The following PHIP variants were observed in gnomAD, a reference collection of about 807,000 sequenced individuals.
The protein encoded by PHIP is PH-interacting protein.
In PHIP, 54 loss-of-function variants were observed where a neutral mutation model predicts 236.8. The observed-to-expected ratio is 0.23, with a 90% CI of 0.18 to 0.29. PHIP has a LOEUF of 0.29. Ranked by LOEUF, PHIP falls within the 10% of genes least tolerant of loss-of-function variation. The probability of loss-of-function intolerance (pLI) is 1.00; values close to 1 mark genes in which losing one functional copy is unlikely to be tolerated. For missense variants in PHIP, 1,370 were observed against 2,190.8 expected, an observed-to-expected ratio of 0.63 and a Z score of 7.48; for synonymous variants, 756 against 718.9, an observed-to-expected ratio of 1.05 and a Z score of -0.83.
intron 7 of PHIP, among the ~76,000 whole-genome samples, chr6:79,027,675 A>G (rs1771475381): frequency 6.6e-6 from 1 of 152,216 alleles, no homozygotes; most frequent in Non-Finnish European, 1.5e-5. Flanking sequence ...TATATGTCCT[A>G]AGTGTTTAAC....
Position 79,060,764 on chromosome 6 carries a change from G to A in PHIP, c.244C>T (p.Leu82=), listed in dbSNP as rs770269774. Residue 82 remains leucine, a synonymous_variant, in exon 5 of 40, where the codon CTA becomes TTA. Transcript: ENST00000275034. ...PDHLLQICHR[L]GPLLEQEIPQ... The stretch of plus-strand genomic sequence containing the variant: ...ATTTCTTGTTCAAGAAGAGGTCCTA[G>A]TCGATGACATATTTGCAGCAAGTGA... 13 of 1,612,706 alleles carry A rather than the reference G, an allele frequency of 8.1e-6. No homozygotes were observed. In the South Asian group the frequency reaches 1.3e-4, roughly 16 times the overall value.
chr6:78,948,791 GC>G (rs1305341025), intron 35 of PHIP, among the ~76,000 whole-genome samples: 1 of 152,166 alleles, frequency 6.6e-6, no homozygotes, highest in Non-Finnish European at 1.5e-5. Flanking sequence ...ACCACACCTG[GC>G]CTGCAGCTTT....
chr6:78,966,291 A>G (rs1182538558), intron 27 of PHIP, among the ~76,000 whole-genome samples: 1 of 152,246 alleles, frequency 6.6e-6, no homozygotes, highest in Non-Finnish European at 1.5e-5. Context: ...TTTATATTTC[A>G]TTAAGGTATA....
chr6:79,062,121 A>T (rs1476621184), intron 4 of PHIP, among the ~76,000 whole-genome samples: 1 of 152,198 alleles, frequency 6.6e-6, no homozygotes, highest in East Asian at 1.9e-4. Context: ...TATTTTTGGA[A>T]AAAGGAGTTC....
intron 29 of PHIP, among the ~76,000 whole-genome samples, chr6:78,965,459 A>G (rs1183474059): frequency 2.6e-5 from 4 of 152,206 alleles, no homozygotes; most frequent in African/African-American, 9.7e-5. Context: ...GTAATTAATA[A>G]AACAATTTCA....
chr6:78,955,729 T>C lies in PHIP; in HGVS notation c.3783-47A>G, dbSNP rs776439012. 1.7e-5 allele frequency: 11 copies of C among 665,922 alleles called. No homozygotes were observed. The African/African-American group carries it at 1.9e-4, about 11-fold the overall frequency. 41.3% of individuals were successfully genotyped at this position (665,922 alleles called of 1,614,324 possible). ...ACATGTAAGATTAGAACCATGATAA[T>C]TTTTTTCCTTAAAAATTTGTTCGTA... On this transcript the variant is annotated intron_variant, in intron 32 of 39. Coordinates refer to ENST00000275034, the MANE Select transcript of PHIP (RefSeq NM_017934.7).
At chr6:79,024,579 C>T (rs148694658) in intron 9 of PHIP, among the ~76,000 whole-genome samples, 5,628 of 152,082 alleles carry the variant, frequency 0.037, 104 homozygotes, top group Middle Eastern at 0.058. Context: ...CCGAGGTGGG[C>T]GGATCACGAG....
intron 21 of PHIP, among the ~76,000 whole-genome samples, chr6:78,985,631 A>T (rs1768816936): frequency 6.6e-6 from 1 of 152,158 alleles, no homozygotes; most frequent in South Asian, 2.1e-4. Flanking sequence ...ACTTAAGGTT[A>T]GGGGTTCGAG....
chr6:79,050,624 C>G (rs1218571584), intron 6 of PHIP, among the ~76,000 whole-genome samples: 1 of 152,136 alleles, frequency 6.6e-6, no homozygotes, highest in Admixed American at 6.6e-5. Flanking sequence ...TACGTTCATT[C>G]TAATTTTTTA....
At chr6:78,967,676 T>A (rs772459330) in intron 27 of PHIP, among the ~76,000 whole-genome samples, 1 of 152,158 alleles carries the variant, frequency 6.6e-6, no homozygotes, top group Non-Finnish European at 1.5e-5. Flanking sequence ...AATTGTAAGA[T>A]CCAAATGAGA....
Position 78,937,320 on chromosome 6 carries a change from ATTAAT to A in PHIP, c.*3368_*3372del, listed in dbSNP as rs962878490. 4.6e-5 allele frequency: 7 copies of A among 151,888 alleles called. No individual in the cohort carries two copies. Among genetic ancestry groups the A allele is most frequent in the East Asian group, 1.9e-4 (1 of 5,192 alleles). The allele number at this position is 151,888 out of a possible 1,614,324, so 9.4% of individuals were successfully genotyped here. On this transcript the variant is annotated 3_prime_UTR_variant, in exon 40 of 40. Transcript: ENST00000275034. The stretch of plus-strand genomic sequence containing the variant: ...GAAGTAAACATTGTTAACTGGAGAA[ATTAAT>A]TTATATTACAAATCATATCTGAAAA...
rs1352472964 is a variant in PHIP at position 78,937,304 on chromosome 6, ATTG to A, written c.*3386_*3388del. 1.3e-5 allele frequency: 2 copies of A among 151,788 alleles called. No individual in the cohort carries two copies. The highest frequency in any genetic ancestry group is 2.4e-5 in the African/African-American group (1 of 41,438). 9.4% of individuals were successfully genotyped at this position (151,788 alleles called of 1,614,324 possible). A position where few individuals can be genotyped will look rare whatever the true frequency, so the allele number is the denominator to read the frequency against. On this transcript the variant is annotated 3_prime_UTR_variant, in exon 40 of 40. Transcript: ENST00000275034. ...ATGGAATGTCAGAATTGAAGTAAACATTGTTAACTGGAGAAATTAATTTATATT... is the reference window on the plus strand; with the variant it reads ...ATGGAATGTCAGAATTGAAGTAAACATTAACTGGAGAAATTAATTTATATT...
At chr6:79,076,549 C>T (rs1774171769) in intron 4 of PHIP, among the ~76,000 whole-genome samples, 1 of 152,076 alleles carries the variant, frequency 6.6e-6, no homozygotes, top group South Asian at 2.1e-4. Flanking sequence ...TTCTGAAAAG[C>T]AATTTTTAAA....
intron 39 of PHIP, among the ~76,000 whole-genome samples, chr6:78,944,239 A>G (rs1209181795): frequency 6.6e-6 from 1 of 152,220 alleles, no homozygotes; most frequent in Non-Finnish European, 1.5e-5. Context: ...GGCAAGAGCC[A>G]AGTAATAAAG....
At chr6:79,006,396 T>G (rs146079414) in intron 15 of PHIP, among the ~76,000 whole-genome samples, 1 of 152,036 alleles carries the variant, frequency 6.6e-6, no homozygotes, top group Non-Finnish European at 1.5e-5. Flanking sequence ...TTAAAATGTA[T>G]GGTACGATTA....
In PHIP at chr6:78,946,167, T is replaced by C. The variant is rs1773802446; in HGVS notation, c.4464A>G (p.Arg1488=). 1 of 1,614,098 alleles carries C rather than the reference T, an allele frequency of 6.2e-7. No individual in the cohort carries two copies. The highest frequency in any genetic ancestry group is 2.2e-5 in the East Asian group (1 of 44,870). The change falls in exon 38 of 40, where the codon AGA becomes AGG. Residue 1488 remains arginine, a synonymous_variant. Coordinates refer to ENST00000275034, the MANE Select transcript of PHIP (RefSeq NM_017934.7). ...TACCGTTTATCTGAGCAGCATTGTG[T>C]CTTGGCGGTATTGATCGTGTAGGTG... ...FSTPTRSIPP[R]HNAAQINGKT...
intron 6 of PHIP, among the ~76,000 whole-genome samples, chr6:79,049,898 T>TATATATA (rs1273788980): frequency 6.6e-6 from 1 of 152,294 alleles, no homozygotes. Flanking sequence ...AAGTATTTAA[T>TATATATA]AAGGCATAAA....
chr6:79,078,225 G>C lies in PHIP; in HGVS notation c.-157C>G, dbSNP rs985352498. The C allele has an allele frequency of 4.5e-6, 3 of 665,706 alleles. No individual in the cohort carries two copies. Among genetic ancestry groups the C allele is most frequent in the Non-Finnish European group, 2.6e-6 (1 of 389,932 alleles). The allele number at this position is 665,706 out of a possible 1,614,324, so 41.2% of individuals were successfully genotyped here. A position where few individuals can be genotyped will look rare whatever the true frequency, so the allele number is the denominator to read the frequency against. On this transcript the variant is annotated 5_prime_UTR_variant, in exon 1 of 40. Transcript: ENST00000275034. The stretch of plus-strand genomic sequence containing the variant: ...CGGCGGCGGAGGCGGAGGAGGAGGA[G>C]GAGGAAACAACAACTCTCAGGCAGC...
At chr6:79,059,942 G>A (rs951223608) in intron 6 of PHIP, among the ~76,000 whole-genome samples, 6 of 151,966 alleles carry the variant, frequency 3.9e-5, no homozygotes, top group Non-Finnish European at 8.8e-5. Context: ...GGGAGAGAGA[G>A]ATAGAAGACA....
Sources: allele counts gnomAD v4.1 joint callset (sites outside exome capture counted in the v4.1 genomes callset), GRCh38; gene constraint gnomAD v4.1.1; transcripts MANE v1.5; gene names NCBI Gene and HGNC (gene_info 2026-07-23, HGNC 2026-07-21).